CCDC25: variants seen among roughly 807,000 people sequenced by gnomAD.
The protein encoded by CCDC25 is coiled-coil domain containing 25.
CCDC25 carries 16 observed loss-of-function variants against 35.3 expected under a neutral mutation model. The ratio of observed to expected loss-of-function variants is 0.45; its 90% CI spans 0.31 to 0.69. CCDC25 has a LOEUF of 0.69. CCDC25 is among the 30% of genes least tolerant of loss of function. The pLI is 0.06. For synonymous variants in CCDC25, 79 were observed against 80.3 expected, an observed-to-expected ratio of 0.98 and a Z score of 0.09; for missense variants, 179 against 250.7, an observed-to-expected ratio of 0.71 and a Z score of 1.93.
chr8:27,748,238 C>G lies in CCDC25; in HGVS notation c.390G>C (p.Leu130=), dbSNP rs774169211. 6.2e-7 allele frequency: 1 copy of G among 1,614,030 alleles called. No individual in the cohort carries two copies. Among genetic ancestry groups the G allele is most frequent in the South Asian group, 1.1e-5 (1 of 91,070 alleles). The change falls in exon 7 of 9, where the codon CTG becomes CTC. Residue 130 remains leucine, a synonymous_variant. Transcript: ENST00000356537. ...VTVEKKVNEI[L]NRLEKTKVER... The stretch of plus-strand genomic sequence containing the variant: ...CGACTTTGGTCTTTTCTAATCGGTT[C>G]AGGATCTCATTTACTTTCTTCTCCA...
At chr8:27,767,272 A>C (rs1804432805) in intron 1 of CCDC25, among the ~76,000 whole-genome samples, 1 of 152,226 alleles carries the variant, frequency 6.6e-6, no homozygotes, top group East Asian at 1.9e-4. Flanking sequence ...AGGCTCAGGC[A>C]TGAGGATTGC....
intron 4 of CCDC25, 152 bp downstream of exon 4, chr8:27,756,567 T>C: frequency 1.7e-6 from 1 of 604,642 alleles, no homozygotes; most frequent in Non-Finnish European, 3.0e-6. Flanking sequence ...AGAGTGATTT[T>C]CTGGGTCAGA....
intron 3 of CCDC25, among the ~76,000 whole-genome samples, chr8:27,758,090 C>A (rs1437762185): frequency 6.6e-6 from 1 of 152,182 alleles, no homozygotes; most frequent in Non-Finnish European, 1.5e-5. Flanking sequence ...TTACAAATTA[C>A]CCAGTCTCAG....
At chr8:27,742,514 C>A (rs1004579601) in intron 7 of CCDC25, among the ~76,000 whole-genome samples, 1 of 152,094 alleles carries the variant, frequency 6.6e-6, no homozygotes, top group African/African-American at 2.4e-5. Context: ...GGGGATCTAC[C>A]CAGGCTGAAG....
intron 1 of CCDC25, among the ~76,000 whole-genome samples, chr8:27,767,153 G>C (rs1459166628): frequency 6.6e-6 from 1 of 152,194 alleles, no homozygotes; most frequent in Non-Finnish European, 1.5e-5. Flanking sequence ...ATCACTTGAG[G>C]CCAGAAGTTT....
Position 27,739,423 on chromosome 8 carries a change from C to T in CCDC25, c.597+1049G>A, listed in dbSNP as rs570385728. ...TTTGACTAGATGACTTGTAAGGGAT[C>T]TTAAATTCTGTTACAGTTGGCCCTT... On this transcript the variant is annotated intron_variant, in intron 8 of 8. Coordinates refer to ENST00000356537, the MANE Select transcript of CCDC25 (RefSeq NM_018246.3). Among the ~76,000 whole-genome samples the T allele has an allele frequency of 5.9e-5, 9 of 152,070 alleles. No homozygotes were observed. The Middle Eastern group carries it at 0.01, about 172-fold the overall frequency.
intron 8 of CCDC25, among the ~76,000 whole-genome samples, chr8:27,736,960 C>T (rs1803252921): frequency 6.6e-6 from 1 of 152,220 alleles, no homozygotes; most frequent in Non-Finnish European, 1.5e-5. Context: ...ATGTCACAAT[C>T]TGAACACTAC....
At chr8:27,765,300 A>G (rs1053883554) in intron 1 of CCDC25, 49 bp from the exon 2 acceptor site, 2 of 1,349,614 alleles carry the variant, frequency 1.5e-6, no homozygotes, top group African/African-American at 3.0e-5. Flanking sequence ...ATCACCAACA[A>G]AATTGTTTCA....
At chr8:27,754,933 C>T (rs1803945458) in intron 4 of CCDC25, among the ~76,000 whole-genome samples, 1 of 152,116 alleles carries the variant, frequency 6.6e-6, no homozygotes, top group Non-Finnish European at 1.5e-5. Flanking sequence ...TGGGTTAGTA[C>T]ACATACATGT....
rs141985438 is a variant in CCDC25, at chr8:27,746,752, G to C, written c.551+1325C>G. ...CCTCATATTAGCAGATTGTAACTCA[G>C]GGTAACATTTCTGAAGCTCTCCATT... On this transcript the variant is annotated intron_variant, in intron 7 of 8. Transcript: ENST00000356537. Among the ~76,000 whole-genome samples the C allele has an allele frequency of 3.1e-3, 466 of 152,246 alleles. 2 individuals carry two copies. The highest frequency in any genetic ancestry group is 9.1e-3 in the African/African-American group (379 of 41,530).
In CCDC25 at chr8:27,735,060, T is replaced by TA. The variant is rs1418875028; in HGVS notation, c.*1155dup. On this transcript the variant is annotated 3_prime_UTR_variant, in exon 9 of 9. Transcript: ENST00000356537. ...TTCATATATCAATGTCCTTCCAGAT[T>TA]AAAAAAATGGTATTTTATTATAACT... 5 of 152,430 alleles carry TA rather than the reference T, an allele frequency of 3.3e-5. No individual in the cohort carries two copies. Among genetic ancestry groups the TA allele is most frequent in the Admixed American group, 6.5e-5 (1 of 15,280 alleles). 9.4% of individuals were successfully genotyped at this position (152,430 alleles called of 1,614,324 possible).
intron 8 of CCDC25, among the ~76,000 whole-genome samples, chr8:27,739,378 T>C (rs1803360848): frequency 6.6e-6 from 1 of 152,184 alleles, no homozygotes; most frequent in East Asian, 1.9e-4. Context: ...TTACTTCTAA[T>C]TCATGCACTA....
At chr8:27,739,495 A>C (rs1803364003) in intron 8 of CCDC25, among the ~76,000 whole-genome samples, 1 of 152,098 alleles carries the variant, frequency 6.6e-6, no homozygotes, top group Non-Finnish European at 1.5e-5. Flanking sequence ...AAAAATATTT[A>C]GAGGAAAAAA....
At chr8:27,739,945 C>T (rs1211194524) in intron 8 of CCDC25, among the ~76,000 whole-genome samples, 2 of 152,136 alleles carry the variant, frequency 1.3e-5, no homozygotes, top group Non-Finnish European at 2.9e-5. Context: ...TAAGAAGATC[C>T]TTTCAGTACT....
At position 27,734,589 on chromosome 8, in the gene CCDC25, C is replaced by CAGAGGAGGCTGG. The variant is rs6150519; in HGVS notation, c.*1626_*1627insCCAGCCTCCTCT. 1.3e-5 allele frequency: 2 copies of CAGAGGAGGCTGG among 151,858 alleles called. No individual in the cohort carries two copies. The highest frequency in any genetic ancestry group is 2.9e-5 in the Non-Finnish European group (2 of 67,924). 9.4% of individuals were successfully genotyped at this position (151,858 alleles called of 1,614,324 possible). A position where few individuals can be genotyped will look rare whatever the true frequency, so the allele number is the denominator to read the frequency against. Reference sequence around the variant, plus strand: ...AGGGTTAGGGGCATAGGAATCAACACAGAGCTATGAATTCAACAAGAGAAT... The same window carrying CAGAGGAGGCTGG: ...AGGGTTAGGGGCATAGGAATCAACACAGAGGAGGCTGGAGAGCTATGAATTCAACAAGAGAAT... On this transcript the variant is annotated 3_prime_UTR_variant, in exon 9 of 9. Coordinates refer to ENST00000356537, the MANE Select transcript of CCDC25 (RefSeq NM_018246.3).
At chr8:27,761,497 G>A (rs899947968) in intron 3 of CCDC25, among the ~76,000 whole-genome samples, 1 of 152,220 alleles carries the variant, frequency 6.6e-6, no homozygotes. Flanking sequence ...ATATAGTTAA[G>A]TGCTTGACAG....
intron 8 of CCDC25, 27 bp from the exon 9 acceptor site, chr8:27,736,272 T>C: frequency 1.9e-6 from 3 of 1,553,232 alleles, no homozygotes; most frequent in South Asian, 1.2e-5. Flanking sequence ...AATGAGAACA[T>C]AAAAGCCTTG....
At chr8:27,742,333 TAAAAC>T (rs1483850523) in intron 7 of CCDC25, among the ~76,000 whole-genome samples, 1 of 139,030 alleles carries the variant, frequency 7.2e-6, no homozygotes, top group Admixed American at 7.6e-5. Context: ...CACAAGGAAT[TAAAAC>T]AAAACAAAAA....
chr8:27,769,351 T>C (rs1804508689), intron 1 of CCDC25, among the ~76,000 whole-genome samples: 1 of 152,188 alleles, frequency 6.6e-6, no homozygotes, highest in Non-Finnish European at 1.5e-5. Context: ...TTTGCTCTAT[T>C]AAGGGCAGAT....
Sources: gnomAD v4.1 joint callset for allele counts (sites outside exome capture counted in the v4.1 genomes callset) on GRCh38, gnomAD v4.1.1 for gene constraint, MANE v1.5 for transcripts, NCBI Gene and HGNC (gene_info 2026-07-23, HGNC 2026-07-21) for gene names.